The following NOSTRIN variants were observed in gnomAD, a reference collection of about 807,000 sequenced individuals.
NOSTRIN encodes BM247 homolog.
Under a neutral mutation model 59.0 loss-of-function variants are expected in NOSTRIN, and 63 were observed. The ratio of observed to expected loss-of-function variants is 1.07; its 90% confidence interval spans 0.87 to 1.32. NOSTRIN has a LOEUF of 1.32. Among genes scored for constraint, NOSTRIN ranks in the 40% most tolerant of loss-of-function variants. The pLI, the probability that NOSTRIN is intolerant of heterozygous loss-of-function variation, is 0.00. For missense variants in NOSTRIN, 512 were observed against 473.1 expected (o/e 1.08, Z -0.76); for synonymous variants, 200 against 165.4 (o/e 1.21, Z -1.61).
At chr2:168,843,207 CT>C in intron 8 of NOSTRIN, 90 bp downstream of exon 8, 1 of 750,520 alleles carries the variant, frequency 1.3e-6, no homozygotes, top group Non-Finnish European at 2.3e-6. Flanking sequence ...AAGACCTGCC[CT>C]CTGTCTTAGC....
intron 15 of NOSTRIN, 116 bp from the exon 16 acceptor site, chr2:168,864,718 G>GA: frequency 2.4e-6 from 3 of 1,226,568 alleles, no homozygotes; most frequent in South Asian, 1.5e-5. Context: ...ATCAAGTGCA[G>GA]AAAATGACAC....
intron 14 of NOSTRIN, 89 bp from the exon 15 acceptor site, chr2:168,861,871 G>GCAT (rs1482547498): frequency 1.6e-5 from 18 of 1,159,508 alleles, no homozygotes; most frequent in Non-Finnish European, 2.3e-5. Flanking sequence ...TTGAAACTCT[G>GCAT]CATCACACTG....
intron 2 of NOSTRIN, among the ~76,000 whole-genome samples, chr2:168,792,589 A>G (rs996626580): frequency 1.3e-5 from 2 of 152,108 alleles, no homozygotes; most frequent in Non-Finnish European, 2.9e-5. Flanking sequence ...AGCTGGGACT[A>G]CAGGTGCTTA....
chr2:168,864,033 C>T (rs2105807566), intron 15 of NOSTRIN, among the ~76,000 whole-genome samples: 1 of 151,658 alleles, frequency 6.6e-6, no homozygotes, highest in South Asian at 2.1e-4. Context: ...GCCTCAGTCT[C>T]CCAAGCTCAC....
chr2:168,863,362 T>TC, intron 15 of NOSTRIN: 1 of 971,320 alleles, frequency 1.0e-6, no homozygotes, highest in Non-Finnish European at 1.2e-6. Context: ...GAGTTAATAA[T>TC]TTCCTTTGTC....
At chr2:168,791,834 GTTCTT>G (rs1423833426) in intron 2 of NOSTRIN, among the ~76,000 whole-genome samples, 1 of 152,176 alleles carries the variant, frequency 6.6e-6, no homozygotes, top group African/African-American at 2.4e-5. Context: ...TGATGGGGTT[GTTCTT>G]TTCTTGTAAA....
chr2:168,820,088 C>T lies in NOSTRIN; in HGVS notation c.114-4546C>T, dbSNP rs371946952. Among the ~76,000 whole-genome samples the T allele has an allele frequency of 9.8e-5, 15 of 152,300 alleles. No individual in the cohort carries two copies. In the East Asian group the frequency reaches 1.5e-3, roughly 16 times the overall value. ...GAGAGGCGGTATCAATTTTTGAAAGCCCTTTTGTTCCACTTCTCCCACAAT... is the reference window on the plus strand; with the variant it reads ...GAGAGGCGGTATCAATTTTTGAAAGTCCTTTTGTTCCACTTCTCCCACAAT... On this transcript the variant is annotated intron_variant, in intron 2 of 15. Coordinates refer to ENST00000317647, the MANE Select transcript of NOSTRIN (RefSeq NM_001039724.4).
chr2:168,807,993 C>T (rs1039787028), intron 1 of NOSTRIN, among the ~76,000 whole-genome samples: 2 of 152,192 alleles, frequency 1.3e-5, no homozygotes, highest in Non-Finnish European at 2.9e-5. Flanking sequence ...GGCTTCACCA[C>T]TGCCACTGAA....
In NOSTRIN at chr2:168,828,124, C is replaced by T. The variant is rs779878208; in HGVS notation, c.198-34C>T. ...CATCCTATTTCCTAGGAAAATGACA[C>T]TCACCTTTGTTCCCCACTTTTTTTT... On this transcript the variant is annotated intron_variant, in intron 3 of 15. Transcript: ENST00000317647. 3 of 872,396 alleles carry T rather than the reference C, an allele frequency of 3.4e-6. No homozygotes were observed. In the African/African-American group the frequency reaches 4.9e-5, roughly 14 times the overall value. The allele number at this position is 872,396 out of a possible 1,614,324, so 54.0% of individuals were successfully genotyped here. A position where few individuals can be genotyped will look rare whatever the true frequency, so the allele number is the denominator to read the frequency against.
At chr2:168,830,375 A>G (rs1246084680) in intron 5 of NOSTRIN, among the ~76,000 whole-genome samples, 1 of 152,276 alleles carries the variant, frequency 6.6e-6, no homozygotes, top group Non-Finnish European at 1.5e-5. Flanking sequence ...AATATAAAAG[A>G]TTAGATTTTA....
chr2:168,850,928 T>C (rs1308323151), intron 8 of NOSTRIN, 156 bp from the exon 9 acceptor site: 3 of 802,192 alleles, frequency 3.7e-6, no homozygotes, highest in Non-Finnish European at 6.4e-6. Context: ...CATTCCTTCC[T>C]GGAAATCTCC....
Position 168,861,861 on chromosome 2 carries a change from T to C in NOSTRIN, c.1295-99T>C. 4 of 1,082,306 alleles carry C rather than the reference T, an allele frequency of 3.7e-6. No individual in the cohort carries two copies. In the Admixed American group the frequency reaches 6.8e-5, roughly 18 times the overall value. The allele number at this position is 1,082,306 out of a possible 1,614,324, so 67.0% of individuals were successfully genotyped here. On this transcript the variant is annotated intron_variant, in intron 14 of 15. Transcript: ENST00000317647. ...TTCCTTTTGAGAAAAATTTAATATATTGAAACTCTGCATCACACTGTTAAA... is the reference window on the plus strand; with the variant it reads ...TTCCTTTTGAGAAAAATTTAATATACTGAAACTCTGCATCACACTGTTAAA...
upstream of NOSTRIN, among the ~76,000 whole-genome samples, chr2:168,797,079 CTTTTTTTT>C (rs775176252): frequency 2.7e-5 from 2 of 75,054 alleles, no homozygotes; most frequent in African/African-American, 4.7e-5. Flanking sequence ...TTTCTTTTTT[CTTTTTTTT>C]TTTTTTTTTT....
At position 168,865,012 on chromosome 2, in the gene NOSTRIN, C is replaced by A. The variant is rs1299858294; in HGVS notation, c.*42C>A. ...TACTACCTTCACACTCGGTAATCAA[C>A]AATACAGTGTGGTTCAAATAAGAAT... On this transcript the variant is annotated 3_prime_UTR_variant, in exon 16 of 16. Coordinates refer to ENST00000317647, the MANE Select transcript of NOSTRIN (RefSeq NM_001039724.4). 1 of 1,603,770 alleles carries A rather than the reference C, an allele frequency of 6.2e-7. No individual in the cohort carries two copies.
rs564416408 is a variant in NOSTRIN, at chr2:168,836,155, A to T, written c.504+1830A>T. On this transcript the variant is annotated intron_variant, in intron 7 of 15. Transcript: ENST00000317647. ...TTCCATGTCAGTCTTCACAGTTGGAAATGATCATAACAAGTATTGAATAAT... is the reference window on the plus strand; with the variant it reads ...TTCCATGTCAGTCTTCACAGTTGGATATGATCATAACAAGTATTGAATAAT... Among the ~76,000 whole-genome samples the T allele has an allele frequency of 5.9e-5, 9 of 152,374 alleles. No individual in the cohort carries two copies. The East Asian group carries it at 1.7e-3, about 29-fold the overall frequency.
intron 2 of NOSTRIN, among the ~76,000 whole-genome samples, chr2:168,789,224 G>A (rs889791710): frequency 3.3e-5 from 5 of 152,170 alleles, no homozygotes; most frequent in Admixed American, 6.5e-5. Flanking sequence ...AGGATATTTT[G>A]TGCCTTAAAA....
At chr2:168,797,044 C>T (rs1321181431), upstream of NOSTRIN, among the ~76,000 whole-genome samples, 1 of 145,810 alleles carries the variant, frequency 6.9e-6, no homozygotes, top group African/African-American at 2.5e-5. Context: ...CCATTGAACT[C>T]ATACTTTTCT....
chr2:168,860,425 CTT>C (rs1689363049), intron 13 of NOSTRIN, among the ~76,000 whole-genome samples: 1 of 152,180 alleles, frequency 6.6e-6, no homozygotes, highest in Non-Finnish European at 1.5e-5. Context: ...AATCCCAGAA[CTT>C]TGGGAGGCCA....
At chr2:168,858,306 C>T (rs1214782782) in intron 12 of NOSTRIN, among the ~76,000 whole-genome samples, 1 of 152,172 alleles carries the variant, frequency 6.6e-6, no homozygotes, top group African/African-American at 2.4e-5. Flanking sequence ...GTGAGGAATG[C>T]CAAATATCCA....
Sources: allele counts gnomAD v4.1 joint callset (sites outside exome capture counted in the v4.1 genomes callset), GRCh38; gene constraint gnomAD v4.1.1; transcripts MANE v1.5; gene names NCBI Gene and HGNC (gene_info 2026-07-23, HGNC 2026-07-21).